Variants in NLGN1 observed in about 807,000 individuals in gnomAD.
NLGN1 encodes neuroligin 1.
NLGN1 carries 12 observed loss-of-function variants against 65.5 expected under a neutral mutation model. The observed-to-expected ratio is 0.18, with a 90% CI of 0.12 to 0.30. The LOEUF is 0.30. Among genes scored for constraint, NLGN1 ranks in the 10% least tolerant of loss-of-function variants. The pLI is 1.00. For synonymous variants in NLGN1, 350 were observed against 359.5 expected (o/e 0.97, Z 0.30); for missense variants, 750 against 1,007.1 (o/e 0.74, Z 3.46).
intron 4 of NLGN1, among the ~76,000 whole-genome samples, chr3:173,823,953 T>C (rs977173923): frequency 2.6e-5 from 4 of 151,982 alleles, no homozygotes; most frequent in Admixed American, 6.6e-5. Flanking sequence ...TAATGCTCTG[T>C]GTTAGGAAAA....
At chr3:173,884,479 C>T (rs1733949522) in intron 4 of NLGN1, among the ~76,000 whole-genome samples, 2 of 152,150 alleles carry the variant, frequency 1.3e-5, no homozygotes, top group South Asian at 4.2e-4. Flanking sequence ...AAATATAACA[C>T]TTTCTGTAGT....
chr3:173,826,908 G>A (rs1486491136), intron 4 of NLGN1, among the ~76,000 whole-genome samples: 1 of 152,082 alleles, frequency 6.6e-6, no homozygotes, highest in Non-Finnish European at 1.5e-5. Context: ...TTAGATGGGG[G>A]TTGGAGGAGG....
In NLGN1 at chr3:174,278,869, C is replaced by T; in HGVS notation, c.868C>T (p.Gln290Ter). The T allele has an allele frequency of 6.8e-7, 1 of 1,475,082 alleles. No individual in the cohort carries two copies. Among genetic ancestry groups the T allele is most frequent in the East Asian group, 2.4e-5 (1 of 42,490 alleles). The allele number at this position is 1,475,082 out of a possible 1,614,324, so 91.4% of individuals were successfully genotyped here. ...TGTTGATTTTCCCATAGGACTTTTT[C>T]AACGAGCAATAGCTCAAAGTGGAAC... Residue 290 changes from glutamine to a stop codon, truncating the protein, a stop_gained, in exon 6 of 7, where the codon CAA (glutamine) becomes TAA (stop). Transcript: ENST00000457714. LOFTEE classifies it high-confidence loss of function.
At chr3:173,534,561 G>A (rs1737136074) in intron 2 of NLGN1, among the ~76,000 whole-genome samples, 1 of 152,020 alleles carries the variant, frequency 6.6e-6, no homozygotes. Flanking sequence ...AAGAATTATT[G>A]CTCTCTAAAT....
intron 3 of NLGN1, among the ~76,000 whole-genome samples, chr3:173,765,051 CATGTGTGTGT>C (rs1310523256): frequency 3.1e-4 from 27 of 88,066 alleles, no homozygotes; most frequent in African/African-American, 1.2e-3. Flanking sequence ...GCTGTGGGTG[CATGTGTGTGT>C]GTGTGTGTGT....
At chr3:173,814,059 G>A (rs1718523755) in intron 4 of NLGN1, among the ~76,000 whole-genome samples, 2 of 152,254 alleles carry the variant, frequency 1.3e-5, no homozygotes, top group Admixed American at 1.3e-4. Context: ...TCCTCCCACG[G>A]ACGACCGTGA....
chr3:173,474,621 T>A (rs1388938413), intron 2 of NLGN1, among the ~76,000 whole-genome samples: 1 of 152,142 alleles, frequency 6.6e-6, no homozygotes, highest in Non-Finnish European at 1.5e-5. Flanking sequence ...CCTTGGTTAG[T>A]TTCAGTATAA....
At chr3:174,076,708 AGAGAGAGAGAGAGAGAGTGT>A (rs1217065107) in intron 4 of NLGN1, among the ~76,000 whole-genome samples, 32 of 139,760 alleles carry the variant, frequency 2.3e-4, no homozygotes, top group Non-Finnish European at 3.5e-4. Flanking sequence ...AGAGAGAGAG[AGAGAGAGAGAGAGAGAGTGT>A]GTGTGTGTGT....
chr3:173,598,648 T>C (rs1464706159), intron 2 of NLGN1, among the ~76,000 whole-genome samples: 2 of 152,178 alleles, frequency 1.3e-5, no homozygotes, highest in East Asian at 3.9e-4. Context: ...TCTTATCCAA[T>C]GCTCATCCTC....
At chr3:173,907,389 C>T (rs534301050) in intron 4 of NLGN1, among the ~76,000 whole-genome samples, 2 of 152,202 alleles carry the variant, frequency 1.3e-5, no homozygotes, top group East Asian at 3.9e-4. Context: ...TGTTGTATTT[C>T]CAAGAGTCCA....
Position 173,885,094 on chromosome 3 carries a change from A to G in NLGN1, c.646+77262A>G, listed in dbSNP as rs116235038. ...TTCAACATAATGAATTTTAGAGGAC[A>G]CATTCAAACCACAGAAACCAAAATG... On this transcript the variant is annotated intron_variant, in intron 4 of 6. Transcript: ENST00000457714. 4.4e-3 allele frequency among the ~76,000 whole-genome samples: 669 copies of G among 152,320 alleles called. 2 individuals carry two copies. The highest frequency in any genetic ancestry group is 0.014 in the Middle Eastern group (4 of 294).
chr3:173,602,644 A>G (rs894240210), intron 2 of NLGN1, among the ~76,000 whole-genome samples: 1 of 152,054 alleles, frequency 6.6e-6, no homozygotes, highest in Non-Finnish European at 1.5e-5. Context: ...AACTTTTGGA[A>G]ATTGCTGTAG....
intron 2 of NLGN1, among the ~76,000 whole-genome samples, chr3:173,446,628 G>A (rs1720396694): frequency 6.6e-6 from 1 of 152,134 alleles, no homozygotes; most frequent in African/African-American, 2.4e-5. Flanking sequence ...CCAGATCCCT[G>A]AGGAATTGGC....
chr3:173,621,365 A>G (rs571025575), intron 3 of NLGN1, among the ~76,000 whole-genome samples: 37 of 152,304 alleles, frequency 2.4e-4, no homozygotes, highest in African/African-American at 8.7e-4. Flanking sequence ...AAGGCATTAC[A>G]GTTGGTAAAG....
chr3:174,032,983 T>TATATAGATATAG (rs5854548), intron 4 of NLGN1, among the ~76,000 whole-genome samples: 1 of 150,994 alleles, frequency 6.6e-6, no homozygotes, highest in African/African-American at 2.4e-5. Flanking sequence ...TTAGGTCATA[T>TATATAGATATAG]ATATAGATAT....
In NLGN1 at chr3:173,408,322, A is replaced by G. The variant is rs184635429; in HGVS notation, c.-390+9835A>G. Among the ~76,000 whole-genome samples the G allele has an allele frequency of 1.7e-3, 255 of 152,314 alleles. 1 individual carries two copies. Among genetic ancestry groups the G allele is most frequent in the Non-Finnish European group, 3.0e-3 (205 of 68,020 alleles). ...GGGAGAGAGAATCTAGTTGGTGCCA[A>G]TCTGTCTTTTAATGCTCATTGGTCA... is the stretch of plus-strand genomic sequence containing the variant. On this transcript the variant is annotated intron_variant, in intron 1 of 6. Coordinates refer to ENST00000457714, the Ensembl canonical transcript of NLGN1.
chr3:173,475,013 A>T (rs1725959063), intron 2 of NLGN1, among the ~76,000 whole-genome samples: 1 of 152,150 alleles, frequency 6.6e-6, no homozygotes, highest in South Asian at 2.1e-4. Context: ...AGCTACTATG[A>T]TTCTGATACT....
At chr3:173,573,267 A>G (rs576939177) in intron 2 of NLGN1, among the ~76,000 whole-genome samples, 1 of 152,252 alleles carries the variant, frequency 6.6e-6, no homozygotes, top group South Asian at 2.1e-4. Context: ...GAAAAATTAT[A>G]TGTACCCTCC....
At chr3:173,468,820 A>G (rs1042843953) in intron 2 of NLGN1, among the ~76,000 whole-genome samples, 2 of 152,016 alleles carry the variant, frequency 1.3e-5, no homozygotes, top group African/African-American at 4.8e-5. Context: ...ATTATGGTTT[A>G]AAAAAACTGA....
Sources: gnomAD v4.1 joint callset for allele counts (sites outside exome capture counted in the v4.1 genomes callset) on GRCh38, gnomAD v4.1.1 for gene constraint, MANE v1.5 for transcripts, NCBI Gene and HGNC (gene_info 2026-07-23, HGNC 2026-07-21) for gene names.